The following NDUFA11 variants were observed in gnomAD, a reference collection of about 807,000 sequenced individuals.
NDUFA11 encodes the protein NADH dehydrogenase [ubiquinone] 1 alpha subcomplex subunit 11.
A neutral mutation model predicts 11.3 loss-of-function variants in NDUFA11; 14 were observed. The ratio of observed to expected loss-of-function variants is 1.24; its 90% confidence interval spans 0.82 to 1.94. The LOEUF (loss-of-function observed/expected upper bound fraction) is 1.94. NDUFA11 is among the 30% of genes most tolerant of loss of function. The pLI is 0.00. For synonymous variants in NDUFA11, 87 were observed against 85.6 expected (o/e 1.02, Z -0.09); for missense variants, 204 against 200.3 (o/e 1.02, Z -0.11).
In NDUFA11 at chr19:5,896,250, G is replaced by A. The variant is rs1378405801; in HGVS notation, c.313+203C>T. 31 of 615,546 alleles carry A rather than the reference G, an allele frequency of 5.0e-5. No homozygotes were observed. Among genetic ancestry groups the A allele is most frequent in the Non-Finnish European group, 8.6e-5 (30 of 350,206 alleles). 38.1% of individuals were successfully genotyped at this position (615,546 alleles called of 1,614,324 possible). On this transcript the variant is annotated intron_variant, in intron 3 of 3. Coordinates refer to ENST00000308961, the MANE Select transcript of NDUFA11 (RefSeq NM_175614.5). This position sits in a 1 kb window ranked among gnomAD's most constrained non-coding sequence, Gnocchi z 5.8. ...AGCAGAGTGAGGAGGGGAGGGTGGGGAGGGGACAGGGCAGGTCAGGGAGGG... is the reference window on the plus strand; with the variant it reads ...AGCAGAGTGAGGAGGGGAGGGTGGGAAGGGGACAGGGCAGGTCAGGGAGGG...
At chr19:5,894,608 C>T (rs1374991138), downstream of NDUFA11, 3 of 1,525,486 alleles carry the variant, frequency 2.0e-6, no homozygotes, top group African/African-American at 1.4e-5. Flanking sequence ...CTCCCTTCCT[C>T]ACTCCCTCCC....
At chr19:5,899,712 C>T (rs111976936) in intron 1 of NDUFA11, among the ~76,000 whole-genome samples, 4 of 151,988 alleles carry the variant, frequency 2.6e-5, no homozygotes, top group South Asian at 2.1e-4. Flanking sequence ...GGTGATCCAC[C>T]CACCTCAGCC....
Position 5,896,561 on chromosome 19 carries a change from C to G in NDUFA11, c.205G>C (p.Val69Leu). ...YTFTAAAVGA[V>L]FGLTTCISAH... ...CTGATGCAGGTGGTGAGGCCAAACA[C>G]GGCCCCGACAGCAGCTGCGGGGTAG... Residue 69 changes from valine (V) to leucine (L), a missense_variant, in exon 3 of 4, where the codon GTG becomes CTG. Coordinates refer to ENST00000308961, the MANE Select transcript of NDUFA11 (RefSeq NM_175614.5). The surrounding 1 kb of genome is among the most constrained non-coding windows in gnomAD (Gnocchi z 5.8). 1 of 1,566,162 alleles carries G rather than the reference C, an allele frequency of 6.4e-7. No homozygotes were observed. The highest frequency in any genetic ancestry group is 8.6e-7 in the Non-Finnish European group (1 of 1,156,164).
chr19:5,903,525 G>A, intron 1 of NDUFA11, 87 bp downstream of exon 1: 1 of 1,304,398 alleles, frequency 7.7e-7, no homozygotes, highest in Admixed American at 2.0e-5. Context: ...GAGACTCCCA[G>A]ACCCGTTCGA....
At position 5,901,418 on chromosome 19, in the gene NDUFA11, G is replaced by A. The variant is rs112912974; in HGVS notation, c.97+2194C>T. ...TGCAGCCCAGCTTCAAATGACCCTG[G>A]AGCAGTTAATATGCTTCTCCAACCT... On this transcript the variant is annotated intron_variant, in intron 1 of 3. Transcript: ENST00000308961. 12,599 of 1,287,046 alleles carry A rather than the reference G, an allele frequency of 9.8e-3. 70 individuals carry two copies. Among genetic ancestry groups the A allele is most frequent in the Non-Finnish European group, 0.012 (11,574 of 988,598 alleles). The allele number at this position is 1,287,046 out of a possible 1,614,324, so 79.7% of individuals were successfully genotyped here.
intron 1 of NDUFA11, chr19:5,901,515 GAGTGATGATT>G: frequency 1.6e-6 from 2 of 1,249,754 alleles, no homozygotes; most frequent in South Asian, 2.5e-5. Context: ...CAAAATATGG[GAGTGATGATT>G]AGGTCTGCCC....
intron 3 of NDUFA11, chr19:5,895,863 A>G (rs1355063652): frequency 1.3e-5 from 2 of 159,948 alleles, no homozygotes; most frequent in Non-Finnish European, 2.8e-5. Context: ...ACCTCGGGCC[A>G]CTTAATTCCC....
At chr19:5,895,357 A>T (rs1599691789) in intron 3 of NDUFA11, 1 of 162,356 alleles carries the variant, frequency 6.2e-6, no homozygotes, top group East Asian at 1.7e-4. Flanking sequence ...CAGGACCTAA[A>T]GGGACTCACA....
At chr19:5,892,759 C>A (rs1631032), downstream of NDUFA11, 123 of 999,258 alleles carry the variant, frequency 1.2e-4, no homozygotes, top group Non-Finnish European at 1.6e-4. Context: ...CCGGTGCCCT[C>A]GAGTGGATGC....
chr19:5,893,215 T>A, downstream of NDUFA11: 1 of 1,535,762 alleles, frequency 6.5e-7, no homozygotes, highest in Middle Eastern at 1.7e-4. This position sits in a 1 kb window ranked among gnomAD's most constrained non-coding sequence, Gnocchi z 4.1. Flanking sequence ...CCCAGCACTC[T>A]GGGAGGCTGA....
chr19:5,896,077 G>A lies in NDUFA11; in HGVS notation c.313+376C>T, dbSNP rs186512700. On this transcript the variant is annotated intron_variant, in intron 3 of 3. Coordinates refer to ENST00000308961, the MANE Select transcript of NDUFA11 (RefSeq NM_175614.5). The surrounding 1 kb of genome is among the most constrained non-coding windows in gnomAD (Gnocchi z 5.8). ...ACACAGAAGGAAGGCGGCACAGAGC[G>A]AGGGCGGCGGGGATGCTGGCTTGTA... 10 of 442,704 alleles carry A rather than the reference G, an allele frequency of 2.3e-5. No homozygotes were observed. The highest frequency in any genetic ancestry group is 7.8e-5 in the African/African-American group (4 of 51,476). 27.4% of individuals were successfully genotyped at this position (442,704 alleles called of 1,614,324 possible).
At chr19:5,894,190 G>A (rs1018122956), downstream of NDUFA11, among the ~76,000 whole-genome samples, 5 of 152,248 alleles carry the variant, frequency 3.3e-5, no homozygotes, top group Admixed American at 2.6e-4. Flanking sequence ...GTGACCTGCC[G>A]GATGGGGACG....
downstream of NDUFA11, chr19:5,892,797 C>T: frequency 7.8e-7 from 1 of 1,283,464 alleles, no homozygotes. Flanking sequence ...GGGATGCCTG[C>T]AGGGAGGTGG....
chr19:5,893,227 G>A (rs2057588546), downstream of NDUFA11: 9 of 1,531,824 alleles, frequency 5.9e-6, no homozygotes, highest in Non-Finnish European at 7.9e-6. This position sits in a 1 kb window ranked among gnomAD's most constrained non-coding sequence, Gnocchi z 4.1. Flanking sequence ...GGAGGCTGAG[G>A]TGTGAGGACT....
chr19:5,895,141 C>T (rs1009882100), intron 3 of NDUFA11: 1 of 445,200 alleles, frequency 2.2e-6, no homozygotes, highest in South Asian at 2.7e-5. Context: ...CTGCCCCCAG[C>T]TGGGGCTGGG....
intron 1 of NDUFA11, among the ~76,000 whole-genome samples, chr19:5,899,105 T>C (rs2057628401): frequency 6.6e-6 from 1 of 151,602 alleles, no homozygotes; most frequent in Non-Finnish European, 1.5e-5. Context: ...CAAATTCTTT[T>C]ATGTATTTAC....
At position 5,898,103 on chromosome 19, in the gene NDUFA11, C is replaced by T. The variant is rs180836331; in HGVS notation, c.98-1106G>A. Among the ~76,000 whole-genome samples, 325 of 152,358 alleles carry T rather than the reference C, an allele frequency of 2.1e-3. 1 individual carries two copies. Among genetic ancestry groups the T allele is most frequent in the Non-Finnish European group, 3.3e-3 (225 of 68,030 alleles). ...TTCTCGGGGCCCGATGGGCTCAGTCCCGTTATCCCCTCCTTCACGGGAGGT... is the reference window on the plus strand; with the variant it reads ...TTCTCGGGGCCCGATGGGCTCAGTCTCGTTATCCCCTCCTTCACGGGAGGT... On this transcript the variant is annotated intron_variant, in intron 1 of 3. Transcript: ENST00000308961.
downstream of NDUFA11, chr19:5,893,110 G>T: frequency 6.5e-7 from 1 of 1,536,076 alleles, no homozygotes; most frequent in Non-Finnish European, 8.7e-7. The surrounding 1 kb of genome is among the most constrained non-coding windows in gnomAD (Gnocchi z 4.1). Context: ...GCTGGAACAC[G>T]CGTGGACATC....
Position 5,896,203 on chromosome 19 carries a change from G to A in NDUFA11, c.313+250C>T. 2 of 600,656 alleles carry A rather than the reference G, an allele frequency of 3.3e-6. No individual in the cohort carries two copies. Among genetic ancestry groups the A allele is most frequent in the East Asian group, 2.8e-5 (1 of 36,274 alleles). The allele number at this position is 600,656 out of a possible 1,614,324, so 37.2% of individuals were successfully genotyped here. A position where few individuals can be genotyped will look rare whatever the true frequency, so the allele number is the denominator to read the frequency against. On this transcript the variant is annotated intron_variant, in intron 3 of 3. Transcript: ENST00000308961. This position sits in a 1 kb window ranked among gnomAD's most constrained non-coding sequence, Gnocchi z 5.8. ...CTGTACCTGGCATGTGGGAGGAGCA[G>A]TGAGGAGGCCCGTGTGGCTGGAGCA...
Sources: gnomAD v4.1 joint callset for allele counts (sites outside exome capture counted in the v4.1 genomes callset) on GRCh38, gnomAD v4.1.1 for gene constraint, Gnocchi (gnomAD v3.1) non-coding constraint, MANE v1.5 for transcripts, NCBI Gene and HGNC (gene_info 2026-07-23, HGNC 2026-07-21) for gene names.